Variants in PHF20L1 observed in about 807,000 individuals in gnomAD.
PHF20L1 encodes PHD finger protein 20-like protein 1.
A neutral mutation model predicts 125.5 loss-of-function variants in PHF20L1; 44 were observed. The ratio of observed to expected loss-of-function variants is 0.35; its 90% CI spans 0.28 to 0.45. PHF20L1 has a LOEUF of 0.45. PHF20L1 is among the 20% of genes least tolerant of loss of function. The pLI is 1.00. For synonymous variants in PHF20L1, 380 were observed against 403.1 expected (o/e 0.94, Z 0.69); for missense variants, 1,012 against 1,217.2 (o/e 0.83, Z 2.51).
chr8:132,817,195 C>A, intron 11 of PHF20L1, 119 bp downstream of exon 11: 2 of 886,330 alleles, frequency 2.3e-6, no homozygotes, highest in Non-Finnish European at 3.4e-6. Context: ...GAGTTATAAG[C>A]ACTTCACTTA....
At chr8:132,799,294 A>C (rs1049856441) in intron 6 of PHF20L1, 122 bp downstream of exon 6, 1 of 590,036 alleles carries the variant, frequency 1.7e-6, no homozygotes, top group African/African-American at 1.9e-5. Flanking sequence ...TTCCTTCTAC[A>C]AATCATAGTC....
At chr8:132,807,138 TTC>T (rs1833812482) in intron 8 of PHF20L1, 1 of 152,224 alleles carries the variant, frequency 6.6e-6, no homozygotes, top group African/African-American at 2.4e-5. Context: ...ACATATATAT[TTC>T]TATGTATACA....
intron 4 of PHF20L1, among the ~76,000 whole-genome samples, chr8:132,797,657 AGTT>A (rs1832564071): frequency 6.6e-6 from 1 of 152,062 alleles, no homozygotes. Context: ...TCGCCTGATC[AGTT>A]GTTTGCATAA....
intron 2 of PHF20L1, among the ~76,000 whole-genome samples, chr8:132,784,566 T>C (rs1474837356): frequency 1.3e-5 from 2 of 152,006 alleles, no homozygotes; most frequent in African/African-American, 4.8e-5. Flanking sequence ...AGAGGTAAGA[T>C]AGACAAAAAG....
At chr8:132,801,440 A>C (rs936260858) in intron 6 of PHF20L1, among the ~76,000 whole-genome samples, 1 of 151,726 alleles carries the variant, frequency 6.6e-6, no homozygotes, top group African/African-American at 2.4e-5. Context: ...TTTAACCCAA[A>C]GTTTCTGATT....
chr8:132,785,500 A>G (rs1830912360), intron 2 of PHF20L1, among the ~76,000 whole-genome samples: 1 of 152,168 alleles, frequency 6.6e-6, no homozygotes, highest in Non-Finnish European at 1.5e-5. Context: ...ACAATTTTTA[A>G]AAGAAATTAA....
chr8:132,838,376 G>A (rs1412255843), intron 17 of PHF20L1: 1 of 155,808 alleles, frequency 6.4e-6, no homozygotes, highest in Non-Finnish European at 1.4e-5. Context: ...TCGACTCATT[G>A]TAGAGCAGGT....
intron 12 of PHF20L1, among the ~76,000 whole-genome samples, chr8:132,819,132 C>A (rs547297578): frequency 1.6e-4 from 24 of 151,832 alleles, no homozygotes; most frequent in Non-Finnish European, 3.1e-4. Context: ...GGCTGACTAC[C>A]TTAGAGGAAG....
chr8:132,831,495 C>G (rs1024587219), intron 14 of PHF20L1, among the ~76,000 whole-genome samples: 7 of 151,998 alleles, frequency 4.6e-5, no homozygotes, highest in Admixed American at 1.3e-4. Flanking sequence ...TCTTCCAGGA[C>G]TAGTTAATTA....
intron 17 of PHF20L1, 186 bp from the exon 18 acceptor site, chr8:132,839,193 GGGTGGGCA>G: frequency 1.8e-6 from 1 of 560,776 alleles, no homozygotes; most frequent in Non-Finnish European, 3.2e-6. Flanking sequence ...TTCTTCTCCT[GGGTGGGCA>G]GGAACGCTGA....
intron 14 of PHF20L1, chr8:132,826,403 G>T (rs973211448): frequency 6.6e-6 from 1 of 152,058 alleles, no homozygotes. Flanking sequence ...CTAAAAACCC[G>T]TGAGGAAACT....
At chr8:132,803,441 T>A (rs1833321086) in intron 6 of PHF20L1, 1 of 166,120 alleles carries the variant, frequency 6.0e-6, no homozygotes, top group South Asian at 1.7e-4. Context: ...TCTTTTATAG[T>A]CCTTTGTATT....
intron 18 of PHF20L1, 100 bp downstream of exon 18, chr8:132,839,682 G>A: frequency 1.3e-6 from 1 of 756,890 alleles, no homozygotes; most frequent in Non-Finnish European, 2.2e-6. Context: ...CAGTTTGGAG[G>A]AGAGAACAGG....
intron 15 of PHF20L1, among the ~76,000 whole-genome samples, chr8:132,835,051 T>TTTTTAAAG (rs1374991729): frequency 6.6e-6 from 1 of 152,104 alleles, no homozygotes; most frequent in Non-Finnish European, 1.5e-5. Flanking sequence ...ATAGCGTGAA[T>TTTTTAAAG]TTTTAAAGTT....
At chr8:132,799,364 C>T (rs896026364) in intron 6 of PHF20L1, 192 bp downstream of exon 6, 1 of 448,254 alleles carries the variant, frequency 2.2e-6, no homozygotes. Context: ...AGATAGGGCT[C>T]TCTGAGTCAT....
Position 132,844,938 on chromosome 8 carries a change from C to A in PHF20L1, c.2911+620C>A, listed in dbSNP as rs752409964. 5.0e-4 allele frequency among the ~76,000 whole-genome samples: 76 copies of A among 152,096 alleles called. 1 individual carries two copies. The highest frequency in any genetic ancestry group is 3.4e-3 in the Middle Eastern group (1 of 294). ...TCCTAACATCATAGACGATATTCTG[C>A]ACCCCAACTTTACTTTTTTTAATTT... On this transcript the variant is annotated intron_variant, in intron 20 of 20. Coordinates refer to ENST00000395386, the MANE Select transcript of PHF20L1 (RefSeq NM_016018.5).
intron 2 of PHF20L1, among the ~76,000 whole-genome samples, chr8:132,790,117 A>G (rs1370444664): frequency 6.6e-6 from 1 of 152,198 alleles, no homozygotes; most frequent in Non-Finnish European, 1.5e-5. Context: ...TGACAAAACA[A>G]CAACATTAAC....
intron 18 of PHF20L1, 31 bp from the exon 19 acceptor site, chr8:132,842,484 T>C (rs973972756): frequency 3.3e-6 from 5 of 1,535,166 alleles, no homozygotes; most frequent in South Asian, 1.3e-5. Flanking sequence ...TTTTTTTTTC[T>C]GAACTGCTGT....
chr8:132,785,017 T>G (rs974028489), intron 2 of PHF20L1, among the ~76,000 whole-genome samples: 4 of 152,186 alleles, frequency 2.6e-5, no homozygotes, highest in African/African-American at 9.7e-5. Flanking sequence ...CTTAGCCTCC[T>G]TCATCAATTT....
Sources: allele counts gnomAD v4.1 joint callset (sites outside exome capture counted in the v4.1 genomes callset), GRCh38; gene constraint gnomAD v4.1.1; transcripts MANE v1.5; gene names NCBI Gene and HGNC (gene_info 2026-07-23, HGNC 2026-07-21).